UBP1: variants seen among roughly 807,000 people sequenced by gnomAD.
The protein encoded by UBP1 is upstream-binding protein 1.
UBP1 carries 22 observed loss-of-function variants against 76.1 expected under a neutral mutation model. The ratio of observed to expected loss-of-function variants is 0.29; its 90% CI spans 0.21 to 0.41. The LOEUF (loss-of-function observed/expected upper bound fraction) is 0.41, where lower values mean the gene tolerates loss of function less well. Ranked by LOEUF, UBP1 falls within the 10% of genes least tolerant of loss-of-function variation. The pLI is 1.00. For synonymous variants in UBP1, 224 were observed against 237.1 expected (o/e 0.94, Z 0.51); for missense variants, 436 against 668.1 (o/e 0.65, Z 3.83).
At chr3:33,410,023 C>A (rs928438322) in intron 5 of UBP1, among the ~76,000 whole-genome samples, 2 of 152,170 alleles carry the variant, frequency 1.3e-5, no homozygotes, top group Admixed American at 6.5e-5. Flanking sequence ...CTGCCATTAC[C>A]CCTATTCTAC....
chr3:33,430,888 G>C (rs956600975), intron 1 of UBP1, among the ~76,000 whole-genome samples: 1 of 152,050 alleles, frequency 6.6e-6, no homozygotes, highest in Non-Finnish European at 1.5e-5. Context: ...CTCTCTGCTT[G>C]AGACATCTCA....
chr3:33,405,125 A>G (rs1397016400), intron 8 of UBP1, among the ~76,000 whole-genome samples: 1 of 152,168 alleles, frequency 6.6e-6, no homozygotes, highest in Non-Finnish European at 1.5e-5. Context: ...TTTTAGGGTG[A>G]TCATTTAAAA....
At chr3:33,425,838 T>G in intron 1 of UBP1, 97 bp from the exon 2 acceptor site, 1 of 1,153,916 alleles carries the variant, frequency 8.7e-7, no homozygotes. Flanking sequence ...TCTGAAATAT[T>G]TAAAAGCATA....
intron 3 of UBP1, among the ~76,000 whole-genome samples, chr3:33,415,177 G>A (rs886397461): frequency 6.6e-6 from 1 of 152,170 alleles, no homozygotes; most frequent in African/African-American, 2.4e-5. Flanking sequence ...TCACCTATCA[G>A]ACTAATTATT....
In UBP1 at chr3:33,388,964, T is replaced by TA. The variant is rs1685070033; in HGVS notation, c.*1366dup. The TA allele has an allele frequency of 6.6e-6, 1 of 152,106 alleles. No individual in the cohort carries two copies. The highest frequency in any genetic ancestry group is 2.4e-5 in the African/African-American group (1 of 41,402). The allele number at this position is 152,106 out of a possible 1,614,324, so 9.4% of individuals were successfully genotyped here. A position where few individuals can be genotyped will look rare whatever the true frequency, so the allele number is the denominator to read the frequency against. On this transcript the variant is annotated 3_prime_UTR_variant, in exon 16 of 16. Transcript: ENST00000283629. ...GTACATTCAAATCAGGACACCTGGG[T>TA]ATATGGACAAAGATATCCTACAATT...
At chr3:33,392,490 A>G in intron 15 of UBP1, 73 bp downstream of exon 15, 2 of 1,264,670 alleles carry the variant, frequency 1.6e-6, no homozygotes, top group Non-Finnish European at 1.1e-6. Context: ...AATAAACACG[A>G]GAGGCACTAA....
At chr3:33,395,605 C>T (rs1215546622) in intron 13 of UBP1, among the ~76,000 whole-genome samples, 1 of 151,860 alleles carries the variant, frequency 6.6e-6, no homozygotes, top group Non-Finnish European at 1.5e-5. Context: ...CATAAAAACA[C>T]GGCACCAGAC....
chr3:33,400,068 AT>A (rs2044163638), intron 11 of UBP1, 120 bp downstream of exon 11: 1 of 562,350 alleles, frequency 1.8e-6, no homozygotes, highest in African/African-American at 2.0e-5. Flanking sequence ...TTCTCTGTAC[AT>A]TTTTCTTTGC....
chr3:33,432,076 T>TCAA (rs910586396), intron 1 of UBP1, among the ~76,000 whole-genome samples: 26 of 152,032 alleles, frequency 1.7e-4, no homozygotes, highest in Non-Finnish European at 3.2e-4. Context: ...ACCTGTAATC[T>TCAA]CAACACTTTG....
intron 1 of UBP1, among the ~76,000 whole-genome samples, chr3:33,438,769 G>C (rs898190487): frequency 6.6e-6 from 1 of 152,100 alleles, no homozygotes; most frequent in South Asian, 2.1e-4. Flanking sequence ...CAAGATTCCA[G>C]GCCAGCTTTA....
At chr3:33,438,137 T>G (rs1304117415) in intron 1 of UBP1, among the ~76,000 whole-genome samples, 1 of 152,222 alleles carries the variant, frequency 6.6e-6, no homozygotes, top group Admixed American at 6.5e-5. Context: ...AAGATTGTAC[T>G]TCCTTTTCAT....
chr3:33,410,551 G>A (rs2154057291), intron 5 of UBP1, among the ~76,000 whole-genome samples: 1 of 152,308 alleles, frequency 6.6e-6, no homozygotes, highest in South Asian at 2.1e-4. Context: ...TACAGTTCAT[G>A]CAAAGCATAG....
intron 8 of UBP1, among the ~76,000 whole-genome samples, chr3:33,406,869 G>A (rs535232685): frequency 1.1e-4 from 16 of 152,164 alleles, no homozygotes; most frequent in Non-Finnish European, 2.4e-4. Flanking sequence ...AAGACCAACA[G>A]ACACACTAAG....
At chr3:33,416,376 T>C (rs1430323170) in intron 3 of UBP1, among the ~76,000 whole-genome samples, 1 of 152,184 alleles carries the variant, frequency 6.6e-6, no homozygotes, top group Admixed American at 6.5e-5. Context: ...GATACATGAG[T>C]AGGGTGAACA....
At chr3:33,401,120 A>C in intron 9 of UBP1, 104 bp from the exon 10 acceptor site, 1 of 1,062,726 alleles carries the variant, frequency 9.4e-7, no homozygotes, top group Non-Finnish European at 1.3e-6. Context: ...AATTTCAAGT[A>C]AGGCAACAGT....
Position 33,404,270 on chromosome 3 carries a change from G to A in UBP1, c.928-1366C>T, listed in dbSNP as rs151287593. On this transcript the variant is annotated intron_variant, in intron 8 of 15. Transcript: ENST00000283629. ...TACTAAAAATACAAAAACTTAGCTG[G>A]GCGTAGTGGCGTGTGCCTGTAATCC... Among the ~76,000 whole-genome samples, 541 of 152,170 alleles carry A rather than the reference G, an allele frequency of 3.6e-3. 2 individuals are homozygous for A. The highest frequency in any genetic ancestry group is 6.2e-3 in the Non-Finnish European group (420 of 67,998).
At position 33,402,093 on chromosome 3, in the gene UBP1, T is replaced by C. The variant is rs148462730; in HGVS notation, c.1031+708A>G. ...TTTTTCTTTGTGATCTTAGCTTTCA[T>C]AATTTTCCTCCCCAACAAGAAACTT... is the stretch of plus-strand genomic sequence containing the variant. On this transcript the variant is annotated intron_variant, in intron 9 of 15. Transcript: ENST00000283629. Among the ~76,000 whole-genome samples the C allele has an allele frequency of 7.2e-5, 11 of 152,330 alleles. No individual in the cohort carries two copies. The East Asian group carries it at 2.1e-3, about 29-fold the overall frequency.
At chr3:33,407,595 C>T (rs1381036447) in intron 8 of UBP1, among the ~76,000 whole-genome samples, 1 of 150,684 alleles carries the variant, frequency 6.6e-6, no homozygotes, top group Non-Finnish European at 1.5e-5. Context: ...CGTGTGCTTC[C>T]AGTGGCACTA....
intron 5 of UBP1, 47 bp from the exon 6 acceptor site, chr3:33,409,648 T>C: frequency 1.2e-6 from 2 of 1,612,500 alleles, no homozygotes; most frequent in Non-Finnish European, 1.7e-6. Context: ...CTTCCACTGG[T>C]TATTTTTCTA....
Sources: gnomAD v4.1 joint callset for allele counts (sites outside exome capture counted in the v4.1 genomes callset) on GRCh38, gnomAD v4.1.1 for gene constraint, MANE v1.5 for transcripts, NCBI Gene and HGNC (gene_info 2026-07-23, HGNC 2026-07-21) for gene names.